Variants in RYR2 observed in about 807,000 individuals in gnomAD.
RYR2 encodes cardiac muscle ryanodine receptor-calcium release channel.
Under a neutral mutation model 601.1 loss-of-function variants are expected in RYR2, and 227 were observed. The ratio of observed to expected loss-of-function variants is 0.38; its 90% CI spans 0.34 to 0.42. The LOEUF is 0.42. Among genes scored for constraint, RYR2 ranks in the 10% least tolerant of loss-of-function variants. The pLI is 1.00. For missense variants in RYR2, 4,646 were observed against 6,156.5 expected (o/e 0.75, Z 8.21); for synonymous variants, 2,223 against 2,175.1 (o/e 1.02, Z -0.61).
chr1:237,573,881 A>G (rs954317721), intron 29 of RYR2, among the ~76,000 whole-genome samples: 2 of 152,016 alleles, frequency 1.3e-5, no homozygotes, highest in African/African-American at 4.8e-5. Context: ...TTCCTCAAAT[A>G]GGGACTGCAG....
intron 64 of RYR2, 83 bp downstream of exon 64, chr1:237,699,108 G>C: frequency 3.0e-6 from 2 of 663,072 alleles, no homozygotes; most frequent in South Asian, 5.1e-5. Flanking sequence ...AGGACCCAGT[G>C]TCTGGATTTT....
In RYR2 at chr1:237,731,918, A is replaced by ACC. The variant is rs368696904; in HGVS notation, c.10936-125_10936-124dup. ...CACACACACACACACACACACACAC[A>ACC]CCCCACAACAGGGAAGGAGGAACGT... On this transcript the variant is annotated intron_variant, in intron 77 of 104. Coordinates refer to ENST00000366574, the MANE Select transcript of RYR2 (RefSeq NM_001035.3). 2.3e-4 allele frequency: 140 copies of ACC among 607,306 alleles called. 1 individual carries two copies. The highest frequency in any genetic ancestry group is 9.8e-4 in the Admixed American group (36 of 36,862). 37.6% of individuals were successfully genotyped at this position (607,306 alleles called of 1,614,324 possible).
chr1:237,804,702 A>G (rs889450546), intron 98 of RYR2, among the ~76,000 whole-genome samples: 1 of 152,202 alleles, frequency 6.6e-6, no homozygotes, highest in Non-Finnish European at 1.5e-5. Flanking sequence ...GCTTTCAGTG[A>G]CGTCACATGG....
rs761126718 is a variant in RYR2 at position 237,806,303 on chromosome 1, C to G, written c.14298+20C>G. 1.3e-6 allele frequency: 2 copies of G among 1,595,992 alleles called. No individual in the cohort carries two copies. Among genetic ancestry groups the G allele is most frequent in the Non-Finnish European group, 1.7e-6 (2 of 1,170,204 alleles). On this transcript the variant is annotated intron_variant, in intron 99 of 104. Transcript: ENST00000366574. ...AAACAGGTAAACAGTTTATCTTTTT[C>G]CTCCCTTGCAGAAAATAAAAAAGCA...
chr1:237,366,967 A>G (rs1283433417), intron 5 of RYR2, among the ~76,000 whole-genome samples: 1 of 152,254 alleles, frequency 6.6e-6, no homozygotes, highest in Admixed American at 6.5e-5. Context: ...CAAATGCATT[A>G]TAGAAAAAAA....
At chr1:237,555,016 C>T (rs10754612) in intron 27 of RYR2, 2 of 151,812 alleles carry the variant, frequency 1.3e-5, no homozygotes. Context: ...TATGAGTGAT[C>T]TGCTGTGGTT....
At chr1:237,369,394 C>T (rs1266991354) in intron 5 of RYR2, 140 bp from the exon 6 acceptor site, 28 of 739,502 alleles carry the variant, frequency 3.8e-5, no homozygotes, top group South Asian at 1.5e-4. Flanking sequence ...TTCAACAGCA[C>T]TTTGCTTGTC....
Position 237,556,467 on chromosome 1 carries a change from ATT to A in RYR2, c.3214+5790_3214+5791del, listed in dbSNP as rs34327081. ...ATGCGCCTGCCACGAGGCCCGGCTA[ATT>A]TTTTTTTTTTTTTGTATTTTTAGTA... On this transcript the variant is annotated intron_variant, in intron 27 of 104. Coordinates refer to ENST00000366574, the MANE Select transcript of RYR2 (RefSeq NM_001035.3). Among the ~76,000 whole-genome samples the A allele has an allele frequency of 4.9e-3, 684 of 139,556 alleles. 16 individuals carry two copies. In the East Asian group the frequency reaches 0.083, roughly 17 times the overall value. 91.6% of individuals were successfully genotyped at this position (139,556 alleles called of 152,430 possible).
At chr1:237,234,952 C>A (rs1331255722) in intron 1 of RYR2, among the ~76,000 whole-genome samples, 2 of 151,666 alleles carry the variant, frequency 1.3e-5, no homozygotes, top group Non-Finnish European at 1.5e-5. Flanking sequence ...GGAAAATGTG[C>A]CCTCTATTGT....
At chr1:237,429,812 T>C (rs1357117869) in intron 12 of RYR2, among the ~76,000 whole-genome samples, 1 of 152,140 alleles carries the variant, frequency 6.6e-6, no homozygotes, top group African/African-American at 2.4e-5. Context: ...GGTACTGTCT[T>C]AGAAAAATAA....
At chr1:237,305,781 A>G (rs1408124115) in intron 2 of RYR2, among the ~76,000 whole-genome samples, 2 of 151,900 alleles carry the variant, frequency 1.3e-5, no homozygotes, top group Non-Finnish European at 2.9e-5. Flanking sequence ...TTGTGGTAAA[A>G]TTATAAAGAA....
chr1:237,048,759 G>A (rs1359573674), intron 1 of RYR2, among the ~76,000 whole-genome samples: 2 of 152,174 alleles, frequency 1.3e-5, no homozygotes, highest in Admixed American at 6.5e-5. Context: ...AGTTGGGACC[G>A]TGTTGGGCAT....
At chr1:237,805,437 C>T (rs1012085342) in intron 98 of RYR2, among the ~76,000 whole-genome samples, 1 of 151,750 alleles carries the variant, frequency 6.6e-6, no homozygotes, top group Admixed American at 6.6e-5. Context: ...AATAATTAGC[C>T]GGGCGTGGTG....
chr1:237,104,804 C>T (rs1668486533), intron 1 of RYR2, among the ~76,000 whole-genome samples: 1 of 152,304 alleles, frequency 6.6e-6, no homozygotes, highest in Non-Finnish European at 1.5e-5. Flanking sequence ...CATCTTTGTA[C>T]CGAGTTTGCA....
At chr1:237,634,818 G>A (rs1680706517) in intron 43 of RYR2, 71 bp from the exon 44 acceptor site, 2 of 1,114,178 alleles carry the variant, frequency 1.8e-6, no homozygotes, top group South Asian at 1.4e-5. Context: ...TTAAGAGGTA[G>A]TATATTTTTG....
chr1:237,712,865 G>A (rs986651980), intron 71 of RYR2, among the ~76,000 whole-genome samples: 2 of 152,146 alleles, frequency 1.3e-5, no homozygotes, highest in South Asian at 2.1e-4. Context: ...TATATTACAT[G>A]TGGTAACATT....
At chr1:237,433,387 A>G (rs1707028917) in intron 12 of RYR2, among the ~76,000 whole-genome samples, 1 of 152,110 alleles carries the variant, frequency 6.6e-6, no homozygotes. Flanking sequence ...TGGAAGCCCA[A>G]TGACATAAAA....
chr1:237,112,228 C>A (rs561240213), intron 1 of RYR2, among the ~76,000 whole-genome samples: 7 of 152,278 alleles, frequency 4.6e-5, no homozygotes, highest in African/African-American at 1.7e-4. Flanking sequence ...ATTCTCCTGC[C>A]TCAGCCTCCT....
intron 1 of RYR2, among the ~76,000 whole-genome samples, chr1:237,124,828 C>T (rs1316340248): frequency 2.0e-5 from 3 of 152,182 alleles, no homozygotes; most frequent in Non-Finnish European, 2.9e-5. Context: ...TCCCATCTCC[C>T]CACCTTTTCC....
Sources: allele counts gnomAD v4.1 joint callset (sites outside exome capture counted in the v4.1 genomes callset), GRCh38; gene constraint gnomAD v4.1.1; transcripts MANE v1.5; gene names NCBI Gene and HGNC (gene_info 2026-07-23, HGNC 2026-07-21).